Variants in DDX60 observed in about 807,000 individuals in gnomAD.
The protein encoded by DDX60 is probable ATP-dependent RNA helicase DDX60.
In DDX60, 165 loss-of-function variants were observed where a neutral mutation model predicts 212.8. The observed-to-expected ratio is 0.78, with a 90% CI of 0.68 to 0.88. DDX60 has a LOEUF of 0.88. Ranked by LOEUF, DDX60 falls within the 40% of genes least tolerant of loss-of-function variation. The pLI, the probability that DDX60 is intolerant of heterozygous loss-of-function variation, is 0.00. For synonymous variants in DDX60, 703 were observed against 685.3 expected (o/e 1.03, Z -0.40); for missense variants, 1,905 against 2,003.9 (o/e 0.95, Z 0.94).
At chr4:168,284,742 T>A in intron 12 of DDX60, 78 bp downstream of exon 12, 1 of 683,796 alleles carries the variant, frequency 1.5e-6, no homozygotes, top group Non-Finnish European at 2.3e-6. Context: ...TTGTGTCTTA[T>A]GATAATTTTC....
intron 7 of DDX60, among the ~76,000 whole-genome samples, chr4:168,293,010 T>G (rs1387272337): frequency 1.3e-5 from 2 of 152,236 alleles, no homozygotes; most frequent in Non-Finnish European, 2.9e-5. Context: ...AGAAACTTCA[T>G]TTCTCTTTAA....
chr4:168,243,416 AAAAC>A (rs1186607352), intron 30 of DDX60, among the ~76,000 whole-genome samples: 2 of 152,220 alleles, frequency 1.3e-5, no homozygotes, highest in African/African-American at 2.4e-5. Context: ...TTATAAGAAA[AAAAC>A]AAACAACCCA....
In DDX60 at chr4:168,300,096, G is replaced by A. The variant is rs550043499; in HGVS notation, c.723+2204C>T. On this transcript the variant is annotated intron_variant, in intron 6 of 37. Transcript: ENST00000393743. ...ACCATATTAAGAAGTAATAAACTATGACTAAGTTGGATTTATTCCAGTAAT... is the reference window on the plus strand; with the variant it reads ...ACCATATTAAGAAGTAATAAACTATAACTAAGTTGGATTTATTCCAGTAAT... 3.9e-5 allele frequency among the ~76,000 whole-genome samples: 6 copies of A among 152,240 alleles called. 1 individual carries two copies. The highest frequency in any genetic ancestry group is 1.2e-4 in the African/African-American group (5 of 41,526).
intron 26 of DDX60, among the ~76,000 whole-genome samples, chr4:168,253,228 T>C (rs1734285171): frequency 6.6e-6 from 1 of 152,230 alleles, no homozygotes; most frequent in African/African-American, 2.4e-5. Context: ...CTTTTCCTTC[T>C]GGCTGTAGTC....
In DDX60 at chr4:168,220,697, T is replaced by G; in HGVS notation, c.4997A>C (p.Tyr1666Ser). ...QDNRMNEGDA[Y>S]YLLKDFALTI... ...GAGTGCAAAATCCTTCAACAAATAA[T>G]AAGCATCTCCTTCATTCATCCTAAA... Residue 1666 changes from tyrosine to serine, a missense_variant, in exon 37 of 38, where the codon TAT (tyrosine) becomes TCT (serine). Coordinates refer to ENST00000393743, the MANE Select transcript of DDX60 (RefSeq NM_017631.6). The G allele has an allele frequency of 6.9e-7, 1 of 1,447,676 alleles. No individual in the cohort carries two copies. The highest frequency in any genetic ancestry group is 9.1e-7 in the Non-Finnish European group (1 of 1,095,790). The allele number at this position is 1,447,676 out of a possible 1,614,324, so 89.7% of individuals were successfully genotyped here. A position where few individuals can be genotyped will look rare whatever the true frequency, so the allele number is the denominator to read the frequency against.
intron 4 of DDX60, among the ~76,000 whole-genome samples, chr4:168,307,202 A>G (rs512489): frequency 0.38 from 58,196 of 151,880 alleles, 12,409 homozygotes; most frequent in African/African-American, 0.58. Flanking sequence ...AGCTCTTTAC[A>G]CAAAACATGG....
intron 5 of DDX60, 109 bp downstream of exon 5, chr4:168,306,270 C>G (rs1736869059): frequency 4.6e-6 from 3 of 654,720 alleles, no homozygotes; most frequent in Admixed American, 3.0e-5. Context: ...TTATACCTAT[C>G]TGTTAAGCCT....
At chr4:168,302,819 T>C (rs745860382) in intron 5 of DDX60, among the ~76,000 whole-genome samples, 22 of 152,134 alleles carry the variant, frequency 1.4e-4, no homozygotes, top group Non-Finnish European at 2.8e-4. Context: ...ATTTCAAACA[T>C]ACACATGAAT....
chr4:168,312,372 G>A (rs79463979), intron 1 of DDX60, among the ~76,000 whole-genome samples: 1 of 152,156 alleles, frequency 6.6e-6, no homozygotes, highest in South Asian at 2.1e-4. Flanking sequence ...GTCTGGACTA[G>A]ATTTGAAGAG....
At chr4:168,289,429 C>T (rs1021895398) in intron 8 of DDX60, among the ~76,000 whole-genome samples, 2 of 152,106 alleles carry the variant, frequency 1.3e-5, no homozygotes, top group Non-Finnish European at 2.9e-5. Flanking sequence ...TGTCTCAACC[C>T]ATACTTAAGT....
chr4:168,228,520 A>G (rs1031315328), intron 33 of DDX60, among the ~76,000 whole-genome samples: 56 of 151,816 alleles, frequency 3.7e-4, no homozygotes, highest in Admixed American at 3.2e-3. Flanking sequence ...ACACTATTTT[A>G]CTAGTCTTTT....
At chr4:168,267,559 A>C (rs573033414) in intron 22 of DDX60, 23 bp downstream of exon 22, 2 of 1,325,256 alleles carry the variant, frequency 1.5e-6, no homozygotes, top group African/African-American at 3.0e-5. Flanking sequence ...ACTTAGAACA[A>C]ATATGGCTAA....
At chr4:168,302,566 C>T (rs1015796406) in intron 5 of DDX60, 150 bp from the exon 6 acceptor site, 12 of 417,030 alleles carry the variant, frequency 2.9e-5, no homozygotes, top group African/African-American at 1.6e-4. Context: ...GTTTTAAACC[C>T]CATTGAACAT....
intron 33 of DDX60, 87 bp downstream of exon 33, chr4:168,236,165 T>G: frequency 7.6e-7 from 1 of 1,321,266 alleles, no homozygotes; most frequent in South Asian, 1.4e-5. Context: ...CCCTTTGAAT[T>G]AAAATTCTAC....
rs530575340 is a variant in DDX60, at chr4:168,288,169, G to A, written c.1183+5C>T. The A allele has an allele frequency of 3.4e-5, 50 of 1,459,032 alleles. 1 individual carries two copies. The South Asian group carries it at 4.8e-4, about 14-fold the overall frequency. The allele number at this position is 1,459,032 out of a possible 1,614,324, so 90.4% of individuals were successfully genotyped here. A position where few individuals can be genotyped will look rare whatever the true frequency, so the allele number is the denominator to read the frequency against. ...AAGTATGATTATAATATACTGAGATGGTACCTTTTACATTTTCATTTTCAT... is the reference window on the plus strand; with the variant it reads ...AAGTATGATTATAATATACTGAGATAGTACCTTTTACATTTTCATTTTCAT... On this transcript the variant is annotated splice_donor_5th_base_variant and intron_variant, in intron 9 of 37. Transcript: ENST00000393743.
At chr4:168,262,507 A>G (rs1379164508) in intron 23 of DDX60, among the ~76,000 whole-genome samples, 176 bp downstream of exon 23, 1 of 152,162 alleles carries the variant, frequency 6.6e-6, no homozygotes, top group Non-Finnish European at 1.5e-5. Context: ...TAAAATACAA[A>G]TTAAAACCCA....
At position 168,258,583 on chromosome 4, in the gene DDX60, A is replaced by G. The variant is rs760795583; in HGVS notation, c.3398+2282T>C. On this transcript the variant is annotated intron_variant, in intron 25 of 37. Coordinates refer to ENST00000393743, the MANE Select transcript of DDX60 (RefSeq NM_017631.6). The stretch of plus-strand genomic sequence containing the variant: ...ATTGTGTAATACCAAGGATGTTCAC[A>G]GTTTATTTTGTAGAGAATTCAAGAG... Among the ~76,000 whole-genome samples the G allele has an allele frequency of 2.9e-4, 44 of 152,226 alleles. 1 individual carries two copies. The highest frequency in any genetic ancestry group is 1.3e-4 in the Non-Finnish European group (9 of 68,042).
chr4:168,269,394 C>G (rs1353433411), intron 19 of DDX60, among the ~76,000 whole-genome samples: 3 of 152,014 alleles, frequency 2.0e-5, no homozygotes, highest in African/African-American at 7.2e-5. Context: ...GTCAGGAGAT[C>G]GAGGCCATCC....
chr4:168,300,343 C>T (rs1043860233), intron 6 of DDX60, among the ~76,000 whole-genome samples: 1 of 152,062 alleles, frequency 6.6e-6, no homozygotes, highest in Non-Finnish European at 1.5e-5. Context: ...AGTTCAAGAC[C>T]AGCCTGGCCA....
Sources: allele counts gnomAD v4.1 joint callset (sites outside exome capture counted in the v4.1 genomes callset), GRCh38; gene constraint gnomAD v4.1.1; transcripts MANE v1.5; gene names NCBI Gene and HGNC (gene_info 2026-07-23, HGNC 2026-07-21).